CMKLR2: variants seen among roughly 807,000 people sequenced by gnomAD.
CMKLR2 encodes the protein chemerin chemokine-like receptor 2.
A neutral mutation model predicts 23.0 loss-of-function variants in CMKLR2; 18 were observed. The ratio of observed to expected loss-of-function variants is 0.78; its 90% CI spans 0.54 to 1.16. The LOEUF (loss-of-function observed/expected upper bound fraction) is 1.16. Ranked by LOEUF, CMKLR2 falls within the 50% of genes most tolerant of loss-of-function variation. The probability of loss-of-function intolerance (pLI) is 0.00; values close to 1 mark genes in which losing one functional copy is unlikely to be tolerated. For missense variants in CMKLR2, 401 were observed against 412.7 expected (o/e 0.97, Z 0.25); for synonymous variants, 158 against 158.9 (o/e 0.99, Z 0.05).
chr2:206,216,010 G>A (rs1469983461), upstream of CMKLR2, among the ~76,000 whole-genome samples: 6 of 152,180 alleles, frequency 3.9e-5, no homozygotes, highest in Non-Finnish European at 4.4e-5. Flanking sequence ...AGAATTGAGT[G>A]TATGAGGGGA....
At chr2:206,180,238 C>G (rs1688367004) in intron 1 of CMKLR2, among the ~76,000 whole-genome samples, 1 of 151,698 alleles carries the variant, frequency 6.6e-6, no homozygotes, top group African/African-American at 2.4e-5. Flanking sequence ...CACTTGTAAT[C>G]CCAGTGCTTT....
upstream of CMKLR2, among the ~76,000 whole-genome samples, chr2:206,214,624 T>G (rs2105849559): frequency 6.6e-6 from 1 of 151,976 alleles, no homozygotes; most frequent in East Asian, 1.9e-4. Context: ...ATTTTATTTT[T>G]TATTATTATT....
chr2:206,217,663 C>T (rs577031322), upstream of CMKLR2: 1 of 152,150 alleles, frequency 6.6e-6, no homozygotes, highest in Non-Finnish European at 1.5e-5. Flanking sequence ...TTTGAATAAA[C>T]CTTCACTTTT....
chr2:206,176,753 A>T lies in CMKLR2; in HGVS notation c.495T>A (p.Ala165=). 1 of 1,614,194 alleles carries T rather than the reference A, an allele frequency of 6.2e-7. No individual in the cohort carries two copies. The highest frequency in any genetic ancestry group is 8.5e-7 in the Non-Finnish European group (1 of 1,180,040). Residue 165 remains alanine (A), a synonymous_variant, in exon 2 of 2, where the codon GCT becomes GCA. Transcript: ENST00000621141. The stretch of plus-strand genomic sequence containing the variant: ...ACAGGGCAGGACCGCCAATTAGAGA[A>T]GCCAAAAGCCAGATGAATATAATGA... ...LIVIIFIWLL[A]SLIGGPALYF...
At chr2:206,206,077 A>G (rs68142081) in intron 1 of CMKLR2, among the ~76,000 whole-genome samples, 10,775 of 152,210 alleles carry the variant, frequency 0.071, 423 homozygotes, top group East Asian at 0.15. Flanking sequence ...CCATTCAACT[A>G]CCAAAAACCC....
intron 1 of CMKLR2, among the ~76,000 whole-genome samples, chr2:206,209,663 T>C (rs1188519025): frequency 6.6e-6 from 1 of 150,686 alleles, no homozygotes; most frequent in African/African-American, 2.4e-5. Context: ...TTTTTTTTTT[T>C]TTTGAGACGG....
chr2:206,181,724 G>A (rs968654895), intron 1 of CMKLR2, among the ~76,000 whole-genome samples: 1 of 152,134 alleles, frequency 6.6e-6, no homozygotes, highest in Non-Finnish European at 1.5e-5. Flanking sequence ...AGGCCGAGGT[G>A]GGTGAATCAT....
At chr2:206,189,397 G>A (rs1284036015) in intron 1 of CMKLR2, among the ~76,000 whole-genome samples, 1 of 152,220 alleles carries the variant, frequency 6.6e-6, no homozygotes, top group Non-Finnish European at 1.5e-5. Context: ...CACTTTGAGA[G>A]GCTGAGGCAG....
chr2:206,215,742 A>C (rs1689733760), upstream of CMKLR2, among the ~76,000 whole-genome samples: 5 of 152,230 alleles, frequency 3.3e-5, no homozygotes, highest in Admixed American at 3.3e-4. Flanking sequence ...TCTGTTATGC[A>C]AAAGTAGCTG....
chr2:206,193,526 C>T (rs1390402471), intron 1 of CMKLR2, among the ~76,000 whole-genome samples: 1 of 152,186 alleles, frequency 6.6e-6, no homozygotes, highest in East Asian at 1.9e-4. Context: ...GACTGGACAA[C>T]TGTTAGAGAT....
Position 206,211,228 on chromosome 2 carries a change from T to C in CMKLR2, c.-29+2079A>G, listed in dbSNP as rs959367296. ...ATAATGATGATAGTTTATGTGTTTATAGCGATCACTTTTGGTTGAATATTG... is the reference window on the plus strand; with the variant it reads ...ATAATGATGATAGTTTATGTGTTTACAGCGATCACTTTTGGTTGAATATTG... On this transcript the variant is annotated intron_variant, in intron 1 of 1. Transcript: ENST00000621141. Among the ~76,000 whole-genome samples the C allele has an allele frequency of 5.3e-5, 8 of 152,210 alleles. 1 individual carries two copies. Among genetic ancestry groups the C allele is most frequent in the African/African-American group, 1.7e-4 (7 of 41,446 alleles).
At chr2:206,179,580 G>A (rs1185594714) in intron 1 of CMKLR2, among the ~76,000 whole-genome samples, 1 of 143,670 alleles carries the variant, frequency 7.0e-6, no homozygotes, top group South Asian at 2.2e-4. Flanking sequence ...CCACCCACCT[G>A]GGCCTCCCAA....
At chr2:206,177,452 G>A (rs976960503) in intron 1 of CMKLR2, among the ~76,000 whole-genome samples, 177 bp from the exon 2 acceptor site, 1 of 152,088 alleles carries the variant, frequency 6.6e-6, no homozygotes, top group African/African-American at 2.4e-5. Context: ...GCAATGGCAT[G>A]CTTTTGGCTC....
At chr2:206,199,287 G>C (rs1215590231) in intron 1 of CMKLR2, among the ~76,000 whole-genome samples, 1 of 152,142 alleles carries the variant, frequency 6.6e-6, no homozygotes, top group Non-Finnish European at 1.5e-5. Context: ...TATAATCCCA[G>C]CTACTCGGAG....
At chr2:206,208,934 G>A (rs552486958) in intron 1 of CMKLR2, among the ~76,000 whole-genome samples, 1 of 152,212 alleles carries the variant, frequency 6.6e-6, no homozygotes, top group Non-Finnish European at 1.5e-5. Context: ...GCCACCCAAA[G>A]TGTTGGGACT....
intron 1 of CMKLR2, among the ~76,000 whole-genome samples, chr2:206,190,647 C>T (rs1688721858): frequency 6.6e-6 from 1 of 152,096 alleles, no homozygotes; most frequent in Non-Finnish European, 1.5e-5. Flanking sequence ...AAACCTTGAA[C>T]AGAAAAGCGA....
At chr2:206,214,274 G>A (rs903956382), upstream of CMKLR2, among the ~76,000 whole-genome samples, 1 of 145,756 alleles carries the variant, frequency 6.9e-6, no homozygotes, top group African/African-American at 2.6e-5. Context: ...CGTGTTCAAG[G>A]AATTATCCTG....
At chr2:206,203,096 A>G (rs1689160710) in intron 1 of CMKLR2, among the ~76,000 whole-genome samples, 1 of 149,952 alleles carries the variant, frequency 6.7e-6, no homozygotes, top group Admixed American at 6.8e-5. Context: ...CGGGCAGATC[A>G]TTTGAGGTCA....
At chr2:206,187,749 A>G (rs1688626050) in intron 1 of CMKLR2, among the ~76,000 whole-genome samples, 1 of 152,198 alleles carries the variant, frequency 6.6e-6, no homozygotes, top group African/African-American at 2.4e-5. Context: ...ACACATATAT[A>G]CATATGCATA....
Sources: gnomAD v4.1 joint callset for allele counts (sites outside exome capture counted in the v4.1 genomes callset) on GRCh38, gnomAD v4.1.1 for gene constraint, MANE v1.5 for transcripts, NCBI Gene and HGNC (gene_info 2026-07-23, HGNC 2026-07-21) for gene names.